TASOR2: variants seen among roughly 807,000 people sequenced by gnomAD.
The protein encoded by TASOR2 is transcription activation suppressor family member 2, also known as protein TASOR 2.
TASOR2 carries 84 observed loss-of-function variants against 199.5 expected under a neutral mutation model. The observed-to-expected ratio is 0.42, with a 90% CI of 0.35 to 0.50. The LOEUF (loss-of-function observed/expected upper bound fraction) is 0.50, where lower values mean the gene tolerates loss of function less well. Among genes scored for constraint, TASOR2 ranks in the 20% least tolerant of loss-of-function variants. The pLI is 0.02. For synonymous variants in TASOR2, 1,103 were observed against 1,046.6 expected, an observed-to-expected ratio of 1.05 and a Z score of -1.04; for missense variants, 2,796 against 2,835.9, an observed-to-expected ratio of 0.99 and a Z score of 0.32.
At chr10:5,753,353 GGTTTGTTTGTTT>G (rs368757231) in intron 15 of TASOR2, among the ~76,000 whole-genome samples, 1 of 151,932 alleles carries the variant, frequency 6.6e-6, no homozygotes, top group Non-Finnish European at 1.5e-5. Flanking sequence ...TGTTTGCCAA[GGTTTGTTTGTTT>G]GTTTGTTTGT....
At chr10:5,718,367 A>C (rs1832904201) in intron 3 of TASOR2, among the ~76,000 whole-genome samples, 1 of 145,164 alleles carries the variant, frequency 6.9e-6, no homozygotes. Context: ...TTTGGTTATC[A>C]GCCTAGCACT....
At chr10:5,692,548 G>GC (rs1836567240) in intron 1 of TASOR2, among the ~76,000 whole-genome samples, 1 of 152,154 alleles carries the variant, frequency 6.6e-6, no homozygotes, top group Non-Finnish European at 1.5e-5. Context: ...GCAGGGTCCT[G>GC]GGGTCCTGCG....
rs1047804445 is a variant in TASOR2 at position 5,722,137 on chromosome 10, T to A, written c.146+1167T>A. Among the ~76,000 whole-genome samples, 10 of 152,170 alleles carry A rather than the reference T, an allele frequency of 6.6e-5. No individual in the cohort carries two copies. Among genetic ancestry groups the A allele is most frequent in the African/African-American group, 2.4e-4 (10 of 41,440 alleles). On this transcript the variant is annotated intron_variant, in intron 6 of 20. Coordinates refer to ENST00000328090, the Ensembl canonical transcript of TASOR2. This position sits in a 1 kb window ranked among gnomAD's most constrained non-coding sequence, Gnocchi z 4.0. ...ATCATTGTGAATGTGTTGATTTTGC[T>A]TATTGCTTTGGGGTTGTATAAGAAA...
At chr10:5,732,386 C>T (rs779258123) in intron 11 of TASOR2, among the ~76,000 whole-genome samples, 17 of 152,230 alleles carry the variant, frequency 1.1e-4, no homozygotes, top group Non-Finnish European at 2.2e-4. Context: ...AGCCACATGA[C>T]CTTCAAAGCT....
rs1837777955 is a variant in TASOR2 at position 5,701,058 on chromosome 10, C to T, written c.-287-11765C>T. ...AGGCCTTAAACAAAAAAAGTTTGGC[C>T]AGACTAGTATCCTGGAGTGTTTTCC... On this transcript the variant is annotated intron_variant, in intron 1 of 20. Transcript: ENST00000328090. This position sits in a 1 kb window ranked among gnomAD's most constrained non-coding sequence, Gnocchi z 4.9. 6.6e-6 allele frequency among the ~76,000 whole-genome samples: 1 copy of T among 151,992 alleles called. No homozygotes were observed. The highest frequency in any genetic ancestry group is 1.5e-5 in the Non-Finnish European group (1 of 68,010).
At chr10:5,711,328 C>A (rs1246731458) in intron 1 of TASOR2, among the ~76,000 whole-genome samples, 2 of 151,942 alleles carry the variant, frequency 1.3e-5, no homozygotes, top group African/African-American at 4.8e-5. Flanking sequence ...AATTGAGATT[C>A]TTTTTTCTCT....
intron 2 of TASOR2, among the ~76,000 whole-genome samples, chr10:5,714,897 A>C (rs1470271701): frequency 6.6e-6 from 1 of 152,206 alleles, no homozygotes; most frequent in Non-Finnish European, 1.5e-5. Flanking sequence ...GAAAGGGATC[A>C]GAACTAGATT....
In TASOR2 at chr10:5,690,490, G is replaced by T. The variant is rs146400161; in HGVS notation, c.-288+5315G>T. 1.3e-5 allele frequency among the ~76,000 whole-genome samples: 2 copies of T among 152,208 alleles called. No homozygotes were observed. The highest frequency in any genetic ancestry group is 3.8e-4 in the East Asian group (2 of 5,198). On this transcript the variant is annotated intron_variant, in intron 1 of 20. Coordinates refer to ENST00000328090, the Ensembl canonical transcript of TASOR2. The surrounding 1 kb of genome is among the most constrained non-coding windows in gnomAD (Gnocchi z 4.8). ...GTTGGGGCACCTACTTTACCCTTGT[G>T]CATATCCCCTATTTATCTGTGCCCA...
intron 1 of TASOR2, among the ~76,000 whole-genome samples, chr10:5,693,428 A>G (rs1836741005): frequency 6.6e-6 from 1 of 152,200 alleles, no homozygotes; most frequent in South Asian, 2.1e-4. Flanking sequence ...GTGGCAAGAA[A>G]TTTTTTAATG....
chr10:5,749,131 AAAG>A (rs1289011403), exon 15 of TASOR2: 6 of 1,614,018 alleles, frequency 3.7e-6, no homozygotes, highest in Non-Finnish European at 4.2e-6. Context: ...TGCGGTAAAG[AAAG>A]AAGAGAAGTG....
At chr10:5,708,668 T>C (rs11812600) in intron 1 of TASOR2, among the ~76,000 whole-genome samples, 105 of 111,170 alleles carry the variant, frequency 9.4e-4, no homozygotes, top group African/African-American at 3.2e-3. Flanking sequence ...TTCCTTCCTT[T>C]CTTCCTTCCT....
intron 15 of TASOR2, among the ~76,000 whole-genome samples, chr10:5,755,045 T>TAAA (rs1838718831): frequency 6.8e-5 from 2 of 29,420 alleles, no homozygotes; most frequent in African/African-American, 2.2e-4. Flanking sequence ...GACTCTTGTC[T>TAAA]CAAAAAAAAA....
intron 18 of TASOR2, 71 bp downstream of exon 19, chr10:5,759,063 GGC>G (rs1223690347): frequency 9.3e-7 from 1 of 1,072,354 alleles, no homozygotes; most frequent in East Asian, 2.4e-5. Flanking sequence ...ATGTTCCATG[GGC>G]TCTAGCCTAG....
At chr10:5,691,583 A>G (rs926806235) in intron 1 of TASOR2, among the ~76,000 whole-genome samples, 1 of 152,348 alleles carries the variant, frequency 6.6e-6, no homozygotes, top group Non-Finnish European at 1.5e-5. Context: ...TATGAATTTA[A>G]CTTGCTTTAT....
chr10:5,762,448 T>G (rs1489361769), intron 19 of TASOR2, 84 bp from the exon 21 acceptor site: 4 of 384,100 alleles, frequency 1.0e-5, no homozygotes, highest in Non-Finnish European at 1.8e-5. Flanking sequence ...TTCCACAGAT[T>G]TTTTAAAATA....
intron 10 of TASOR2, among the ~76,000 whole-genome samples, chr10:5,729,528 C>T (rs987064901): frequency 2.6e-5 from 4 of 152,196 alleles, no homozygotes; most frequent in Non-Finnish European, 5.9e-5. Context: ...TGACAAATCC[C>T]ATGTCTACAA....
At chr10:5,735,711 G>A (rs1835478061) in intron 12 of TASOR2, among the ~76,000 whole-genome samples, 165 bp downstream of exon 13, 1 of 152,134 alleles carries the variant, frequency 6.6e-6, no homozygotes, top group Middle Eastern at 3.4e-3. Context: ...GTTTCCTAAT[G>A]TAAATAAATT....
Position 5,730,568 on chromosome 10 carries a change from A to G in TASOR2, c.569A>G (p.Glu190Gly), listed in dbSNP as rs1303039554. The G allele has an allele frequency of 6.2e-7, 1 of 1,614,108 alleles. No individual in the cohort carries two copies. The highest frequency in any genetic ancestry group is 8.5e-7 in the Non-Finnish European group (1 of 1,180,034). The stretch of plus-strand genomic sequence containing the variant: ...TCTACCCTTAATTGTGCCCTGCTAG[A>G]AACAAAGAAATCACTTCCTGAAGAA... The change falls in exon 11 of 21, where the codon GAA (glutamate) becomes GGA (glycine). Residue 190 changes from glutamate (E) to glycine (G), a missense_variant. By Grantham distance (98) the Glu-to-Gly change is moderately conservative. Around this residue, in one of 3 missense-constraint regions of TASOR2, gnomAD observed 847 missense variants for 887.4 expected, o/e 0.95. Coordinates refer to ENST00000328090, the Ensembl canonical transcript of TASOR2. The surrounding 1 kb of genome is among the most constrained non-coding windows in gnomAD (Gnocchi z 4.1).
At chr10:5,731,727 G>T (rs1249735192) in intron 11 of TASOR2, among the ~76,000 whole-genome samples, 4 of 152,136 alleles carry the variant, frequency 2.6e-5, no homozygotes, top group African/African-American at 9.7e-5. Flanking sequence ...TACCTCAAAA[G>T]CCTACCCACC....
Sources: allele counts gnomAD v4.1 joint callset (sites outside exome capture counted in the v4.1 genomes callset), GRCh38; gene constraint gnomAD v4.1.1; regional missense constraint gnomAD v4.1.1; non-coding constraint Gnocchi (gnomAD v3.1); transcripts MANE v1.5; gene names NCBI Gene and HGNC (gene_info 2026-07-23, HGNC 2026-07-21).